The following MAGI2 variants were observed in gnomAD, a reference collection of about 807,000 sequenced individuals.
MAGI2 encodes the protein membrane associated guanylate kinase, WW and PDZ domain containing 2.
MAGI2 carries 35 observed loss-of-function variants against 133.3 expected under a neutral mutation model. That is an observed-to-expected ratio of 0.26 (90% CI 0.20 to 0.35). The LOEUF is 0.35. Ranked by LOEUF, MAGI2 falls within the 10% of genes least tolerant of loss-of-function variation. MAGI2 has a pLI of 1.00. For missense variants in MAGI2, 1,636 were observed against 1,863.4 expected (o/e 0.88, Z 2.25); for synonymous variants, 729 against 710.6 (o/e 1.03, Z -0.41).
At chr7:78,064,739 C>T (rs1395357780) in intron 21 of MAGI2, among the ~76,000 whole-genome samples, 1 of 152,142 alleles carries the variant, frequency 6.6e-6, no homozygotes, top group African/African-American at 2.4e-5. Flanking sequence ...GCGGCAGTAG[C>T]TACATGCCAC....
At chr7:79,407,614 G>T (rs1022081764) in intron 1 of MAGI2, among the ~76,000 whole-genome samples, 4 of 152,044 alleles carry the variant, frequency 2.6e-5, no homozygotes, top group Non-Finnish European at 5.9e-5. Flanking sequence ...ATTGCTATGA[G>T]CTTGTATTTT....
At chr7:78,589,691 T>C (rs1420219337) in intron 3 of MAGI2, among the ~76,000 whole-genome samples, 2 of 152,240 alleles carry the variant, frequency 1.3e-5, no homozygotes, top group South Asian at 2.1e-4. Flanking sequence ...CTAAATTGCA[T>C]TGCAAATGCT....
At chr7:78,047,385 T>A (rs1811542602) in intron 21 of MAGI2, among the ~76,000 whole-genome samples, 1 of 152,178 alleles carries the variant, frequency 6.6e-6, no homozygotes, top group African/African-American at 2.4e-5. Context: ...CAGCCTAGAT[T>A]CCACATGGTA....
chr7:78,729,436 CA>C (rs1821155047), intron 2 of MAGI2, among the ~76,000 whole-genome samples: 1 of 152,120 alleles, frequency 6.6e-6, no homozygotes, highest in African/African-American at 2.4e-5. Context: ...GAAAGAATAG[CA>C]AAAAGAATTC....
At chr7:79,225,601 G>C (rs1340170273) in intron 1 of MAGI2, among the ~76,000 whole-genome samples, 1 of 152,118 alleles carries the variant, frequency 6.6e-6, no homozygotes, top group Non-Finnish European at 1.5e-5. Flanking sequence ...ACATCCTAAA[G>C]TTTGTAAAAT....
intron 1 of MAGI2, among the ~76,000 whole-genome samples, chr7:79,030,791 A>G (rs546695983): frequency 2.0e-5 from 3 of 152,326 alleles, no homozygotes; most frequent in Non-Finnish European, 4.4e-5. Flanking sequence ...TAGAGTTCCC[A>G]AAACTTCATT....
intron 5 of MAGI2, among the ~76,000 whole-genome samples, chr7:78,490,836 G>C (rs1793537876): frequency 1.3e-5 from 2 of 152,038 alleles, no homozygotes; most frequent in Admixed American, 1.3e-4. Context: ...AAATTATCAA[G>C]AATGTGACAT....
chr7:79,150,934 A>AG (rs1315694936), intron 1 of MAGI2, among the ~76,000 whole-genome samples: 1 of 152,094 alleles, frequency 6.6e-6, no homozygotes, highest in Non-Finnish European at 1.5e-5. Context: ...AGGCATTTTA[A>AG]AAATGTTTCA....
At chr7:78,748,923 ATGC>A (rs1444380944) in intron 2 of MAGI2, among the ~76,000 whole-genome samples, 5 of 152,334 alleles carry the variant, frequency 3.3e-5, no homozygotes, top group African/African-American at 1.2e-4. Context: ...AAGCATATTC[ATGC>A]TGCTATTATT....
chr7:78,981,769 C>T (rs951697453), intron 2 of MAGI2, among the ~76,000 whole-genome samples: 4 of 151,900 alleles, frequency 2.6e-5, no homozygotes, highest in African/African-American at 7.2e-5. Context: ...ATAGCTCTGT[C>T]TAGAACCAAT....
chr7:78,363,385 C>T (rs959551918), intron 7 of MAGI2, among the ~76,000 whole-genome samples: 19 of 152,000 alleles, frequency 1.3e-4, no homozygotes, highest in Non-Finnish European at 2.2e-4. Context: ...CCCAGCTACT[C>T]GGGACGCTGA....
At chr7:79,230,369 C>T (rs1311151367) in intron 1 of MAGI2, among the ~76,000 whole-genome samples, 192 of 152,030 alleles carry the variant, frequency 1.3e-3, no homozygotes, top group East Asian at 2.3e-3. Flanking sequence ...ATCGCCACAC[C>T]GACTTCCACA....
intron 1 of MAGI2, among the ~76,000 whole-genome samples, chr7:79,043,997 T>TA (rs141695441): frequency 0.06 from 9,126 of 152,172 alleles, 299 homozygotes; most frequent in African/African-American, 0.074. Flanking sequence ...CTACCAGACA[T>TA]ACAGAGAAGA....
chr7:79,066,481 G>A (rs1325252354), intron 1 of MAGI2, among the ~76,000 whole-genome samples: 1 of 151,770 alleles, frequency 6.6e-6, no homozygotes, highest in African/African-American at 2.4e-5. Context: ...TTTTCAGATG[G>A]ATAGATTGCA....
Position 78,738,928 on chromosome 7 carries a change from C to T in MAGI2, c.419-111689G>A, listed in dbSNP as rs528648571. On this transcript the variant is annotated intron_variant, in intron 2 of 21. Coordinates refer to ENST00000354212, the MANE Select transcript of MAGI2 (RefSeq NM_012301.4). ...GATACATAACTCATTAAAATACTTA[C>T]TGCATGTGCTTACAGCTCAAAGCAA... is the stretch of plus-strand genomic sequence containing the variant. Among the ~76,000 whole-genome samples, 8 of 152,268 alleles carry T rather than the reference C, an allele frequency of 5.3e-5. No homozygotes were observed. The South Asian group carries it at 1.7e-3, about 32-fold the overall frequency.
At chr7:78,062,054 G>C (rs1813335036) in intron 21 of MAGI2, among the ~76,000 whole-genome samples, 1 of 152,200 alleles carries the variant, frequency 6.6e-6, no homozygotes, top group African/African-American at 2.4e-5. Context: ...ATTTCAACAA[G>C]AGTGCGACAT....
At chr7:78,355,210 T>C (rs533450681) in intron 7 of MAGI2, among the ~76,000 whole-genome samples, 2 of 152,344 alleles carry the variant, frequency 1.3e-5, no homozygotes, top group South Asian at 4.1e-4. Flanking sequence ...AATACAGATT[T>C]ATATCCCCAC....
At chr7:78,888,781 A>T (rs1039181047) in intron 2 of MAGI2, among the ~76,000 whole-genome samples, 1 of 152,160 alleles carries the variant, frequency 6.6e-6, no homozygotes, top group Non-Finnish European at 1.5e-5. Flanking sequence ...GATGGGGAAA[A>T]AACAGAGCAG....
At chr7:79,348,806 A>AGGGG (rs1264614992) in intron 1 of MAGI2, among the ~76,000 whole-genome samples, 2 of 151,836 alleles carry the variant, frequency 1.3e-5, no homozygotes, top group African/African-American at 4.8e-5. Flanking sequence ...TTGTGAAAAT[A>AGGGG]GGGTTTTATC....
Sources: allele counts gnomAD v4.1 joint callset (sites outside exome capture counted in the v4.1 genomes callset), GRCh38; gene constraint gnomAD v4.1.1; transcripts MANE v1.5; gene names NCBI Gene and HGNC (gene_info 2026-07-23, HGNC 2026-07-21).